Variants in CPLX2 observed in about 807,000 individuals in gnomAD.
The protein encoded by CPLX2 is complexin-2.
A neutral mutation model predicts 16.3 loss-of-function variants in CPLX2; 5 were observed. The ratio of observed to expected loss-of-function variants is 0.31; its 90% CI spans 0.16 to 0.64. CPLX2 has a LOEUF of 0.64. Among genes scored for constraint, CPLX2 ranks in the 30% least tolerant of loss-of-function variants. CPLX2 has a pLI of 0.79. For missense variants in CPLX2, 144 were observed against 181.4 expected (o/e 0.79, Z 1.18); for synonymous variants, 89 against 73.2 (o/e 1.22, Z -1.10).
chr5:175,838,728 G>A (rs998043148), intron 2 of CPLX2, among the ~76,000 whole-genome samples: 7 of 152,108 alleles, frequency 4.6e-5, no homozygotes, highest in East Asian at 3.9e-4. Flanking sequence ...ATAGGCCACC[G>A]CAGGGAATGA....
At chr5:175,799,548 A>ATT (rs33953622) in intron 1 of CPLX2, among the ~76,000 whole-genome samples, 8,374 of 125,374 alleles carry the variant, frequency 0.067, 543 homozygotes, top group Non-Finnish European at 0.083. Flanking sequence ...TCATATATAT[A>ATT]TATATATATA....
rs551919903 is a variant in CPLX2 at position 175,881,279 on chromosome 5, G to C, written c.*1234G>C. 2.0e-5 allele frequency: 3 copies of C among 153,272 alleles called. No homozygotes were observed. Among genetic ancestry groups the C allele is most frequent in the Admixed American group, 6.5e-5 (1 of 15,312 alleles). 9.5% of individuals were successfully genotyped at this position (153,272 alleles called of 1,614,324 possible). ...ATGCATATGTGTAGGGCTGGAGCGT[G>C]TGTGTGTCTTGAGATTGTGTGTGTT... On this transcript the variant is annotated 3_prime_UTR_variant, in exon 4 of 4. Transcript: ENST00000393745.
chr5:175,807,690 AC>A (rs1320623512), intron 1 of CPLX2, among the ~76,000 whole-genome samples: 8 of 51,826 alleles, frequency 1.5e-4, no homozygotes, highest in South Asian at 5.2e-4. Flanking sequence ...TCACCCACTT[AC>A]TCATCATTCA....
At chr5:175,879,783 A>T (rs761627060) in intron 3 of CPLX2, 65 bp from the exon 4 acceptor site, 2 of 1,475,152 alleles carry the variant, frequency 1.4e-6, no homozygotes, top group East Asian at 4.8e-5. Flanking sequence ...CTGCATGATC[A>T]TGAGACTCCT....
intron 2 of CPLX2, among the ~76,000 whole-genome samples, chr5:175,851,477 T>C (rs1759152998): frequency 6.6e-6 from 1 of 152,192 alleles, no homozygotes; most frequent in African/African-American, 2.4e-5. Context: ...AACACGTGAC[T>C]GGAGGGAGAT....
upstream of CPLX2, among the ~76,000 whole-genome samples, chr5:175,868,218 G>T (rs918771616): frequency 6.6e-6 from 1 of 152,200 alleles, no homozygotes; most frequent in Non-Finnish European, 1.5e-5. Flanking sequence ...CATCCAGGAT[G>T]CCCTCTGGGC....
At position 175,880,613 on chromosome 5, in the gene CPLX2, C is replaced by A. The variant is rs372312542; in HGVS notation, c.*568C>A. 1.1e-3 allele frequency: 175 copies of A among 166,514 alleles called. No homozygotes were observed. Among genetic ancestry groups the A allele is most frequent in the African/African-American group, 4.1e-3 (172 of 41,686 alleles). The allele number at this position is 166,514 out of a possible 1,614,324, so 10.3% of individuals were successfully genotyped here. ...TTCTTCTTCCATCTCCTTGGTGACA[C>A]CCAGCCCAGGGGCACCCCCTTCCCC... On this transcript the variant is annotated 3_prime_UTR_variant, in exon 4 of 4. Transcript: ENST00000393745.
chr5:175,796,907 C>T (rs1757987839), intron 1 of CPLX2: 1 of 152,184 alleles, frequency 6.6e-6, no homozygotes, highest in Non-Finnish European at 1.5e-5. Context: ...TTCCTCCGGC[C>T]TCTCCCCCTC....
chr5:175,802,785 T>C (rs1758123681), intron 1 of CPLX2, among the ~76,000 whole-genome samples: 1 of 152,190 alleles, frequency 6.6e-6, no homozygotes. Flanking sequence ...GACAGGCACA[T>C]ACCAGATGCT....
chr5:175,871,212 G>A (rs1254756696), upstream of CPLX2, among the ~76,000 whole-genome samples: 1 of 151,734 alleles, frequency 6.6e-6, no homozygotes, highest in African/African-American at 2.4e-5. Flanking sequence ...TTGTGGGCCT[G>A]GAGCTGTGGC....
At chr5:175,815,147 G>C (rs1276786386) in intron 2 of CPLX2, among the ~76,000 whole-genome samples, 1 of 152,198 alleles carries the variant, frequency 6.6e-6, no homozygotes, top group Non-Finnish European at 1.5e-5. Context: ...CTCCTACCCT[G>C]AATGGACAAA....
rs1045558373 is a variant in CPLX2 at position 175,882,546 on chromosome 5, C to G, written c.*2501C>G. The G allele has an allele frequency of 5.9e-5, 9 of 152,708 alleles. No homozygotes were observed. The highest frequency in any genetic ancestry group is 2.2e-4 in the African/African-American group (9 of 41,462). The allele number at this position is 152,708 out of a possible 1,614,324, so 9.5% of individuals were successfully genotyped here. A position where few individuals can be genotyped will look rare whatever the true frequency, so the allele number is the denominator to read the frequency against. ...GGAGGGACCCCAGACCTTCAGAGGG[C>G]TGCCCTGGTGTTCTCCACAGTGCAG... On this transcript the variant is annotated 3_prime_UTR_variant, in exon 4 of 4. Transcript: ENST00000393745.
At chr5:175,878,103 A>G (rs1331587148) in intron 1 of CPLX2, 1 of 152,448 alleles carries the variant, frequency 6.6e-6, no homozygotes, top group Non-Finnish European at 1.5e-5. Context: ...TGTTTATCCA[A>G]GCTGGCTGTT....
intron 2 of CPLX2, 28 bp downstream of exon 2, chr5:175,878,798 C>T (rs1755478936): frequency 1.9e-6 from 3 of 1,612,128 alleles, no homozygotes; most frequent in Non-Finnish European, 2.5e-6. Flanking sequence ...TCCGCGTGTC[C>T]TCAGCCGGTC....
rs550129196 is a variant in CPLX2, at chr5:175,832,547, G to A, written c.-89+23479G>A. On this transcript the variant is annotated intron_variant, in intron 2 of 4. Transcript: ENST00000359546. ...ATTGTCTCCTTAACGGGCCTGTGAC[G>A]CTTTCAGTTATGTTCTTTTGTAAAT... is the stretch of plus-strand genomic sequence containing the variant. 5.1e-4 allele frequency among the ~76,000 whole-genome samples: 77 copies of A among 152,196 alleles called. 2 individuals are homozygous for A. Among genetic ancestry groups the A allele is most frequent in the Admixed American group, 3.9e-4 (6 of 15,284 alleles).
upstream of CPLX2, among the ~76,000 whole-genome samples, chr5:175,867,826 C>T (rs1759507327): frequency 1.3e-5 from 2 of 152,194 alleles, no homozygotes; most frequent in South Asian, 4.1e-4. Flanking sequence ...TACACCATTG[C>T]ACACTTATGG....
intron 2 of CPLX2, among the ~76,000 whole-genome samples, chr5:175,818,051 G>A (rs1420084066): frequency 2.6e-5 from 4 of 152,180 alleles, no homozygotes; most frequent in Non-Finnish European, 4.4e-5. Flanking sequence ...GAGCATAAGC[G>A]CAAGAAATGA....
upstream of CPLX2, among the ~76,000 whole-genome samples, chr5:175,869,113 C>A (rs1429978601): frequency 6.6e-6 from 1 of 152,222 alleles, no homozygotes; most frequent in African/African-American, 2.4e-5. Flanking sequence ...GGAAGCATGT[C>A]AAGGCTGGTA....
At chr5:175,796,576 G>C (rs889113256) in exon 1 of CPLX2, 1 of 152,314 alleles carries the variant, frequency 6.6e-6, no homozygotes, top group South Asian at 2.1e-4. Flanking sequence ...TGCCCTTAGG[G>C]GGAGGCCTCT....
Sources: allele counts gnomAD v4.1 joint callset (sites outside exome capture counted in the v4.1 genomes callset), GRCh38; gene constraint gnomAD v4.1.1; transcripts MANE v1.5; gene names NCBI Gene and HGNC (gene_info 2026-07-23, HGNC 2026-07-21).